SLC18B1: variants seen among roughly 807,000 people sequenced by gnomAD.
SLC18B1 encodes MFS-type transporter SLC18B1.
SLC18B1 carries 62 observed loss-of-function variants against 53.9 expected under a neutral mutation model. That is an observed-to-expected ratio of 1.15 (90% CI 0.94 to 1.42). The LOEUF (loss-of-function observed/expected upper bound fraction) is 1.42, where lower values mean the gene tolerates loss of function less well. SLC18B1 is among the 40% of genes most tolerant of loss of function. The pLI is 0.00. For missense variants in SLC18B1, 598 were observed against 547.3 expected (o/e 1.09, Z -0.93); for synonymous variants, 217 against 200.9 (o/e 1.08, Z -0.68).
chr6:132,789,112 T>G (rs930912481), intron 4 of SLC18B1, among the ~76,000 whole-genome samples: 4 of 152,172 alleles, frequency 2.6e-5, no homozygotes, highest in African/African-American at 9.7e-5. Context: ...CTTTCACATC[T>G]GTTTTGCCTC....
chr6:132,778,475 T>A (rs1322024411), intron 7 of SLC18B1, among the ~76,000 whole-genome samples: 1 of 152,248 alleles, frequency 6.6e-6, no homozygotes, highest in Non-Finnish European at 1.5e-5. Flanking sequence ...ATAATTTTAA[T>A]CTTTACATTC....
Position 132,770,203 on chromosome 6 carries a change from C to T in SLC18B1, c.*67G>A. On this transcript the variant is annotated 3_prime_UTR_variant, in exon 14 of 14. Transcript: ENST00000275227. ...TGCGCGTAAAATTTTAAAAACCCTT[C>T]CTACGGTGATGTTTAAGGCCAGGAG... 2.2e-6 allele frequency: 3 copies of T among 1,364,142 alleles called. No homozygotes were observed. Among genetic ancestry groups the T allele is most frequent in the Non-Finnish European group, 3.1e-6 (3 of 962,626 alleles). 84.5% of individuals were successfully genotyped at this position (1,364,142 alleles called of 1,614,324 possible).
chr6:132,774,145 AC>A, intron 9 of SLC18B1, 76 bp downstream of exon 9: 1 of 921,276 alleles, frequency 1.1e-6, no homozygotes, highest in Admixed American at 2.2e-5. Context: ...ACTAAACTAT[AC>A]CAATGTTAAA....
chr6:132,796,976 T>C lies in SLC18B1; in HGVS notation c.183+6A>G, dbSNP rs754155902. ...CAGAGGTCCTAAGGATTTAAAAATG[T>C]CTTACCTCTTTGGGGAAAAACGGTC... On this transcript the variant is annotated splice_donor_region_variant and intron_variant, in intron 2 of 13. Coordinates refer to ENST00000275227, the MANE Select transcript of SLC18B1 (RefSeq NM_052831.3). 4.3e-6 allele frequency: 7 copies of C among 1,611,224 alleles called. No individual in the cohort carries two copies. The highest frequency in any genetic ancestry group is 4.5e-5 in the East Asian group (2 of 44,866).
At chr6:132,776,189 A>G in intron 8 of SLC18B1, 139 bp downstream of exon 8, 1 of 662,808 alleles carries the variant, frequency 1.5e-6, no homozygotes, top group Middle Eastern at 2.8e-4. Context: ...AGGGTGATAG[A>G]AAACACTGAA....
At position 132,770,211 on chromosome 6, in the gene SLC18B1, G is replaced by A; in HGVS notation, c.*59C>T. The A allele has an allele frequency of 1.4e-6, 2 of 1,408,184 alleles. No individual in the cohort carries two copies. The highest frequency in any genetic ancestry group is 2.0e-6 in the Non-Finnish European group (2 of 1,000,826). The allele number at this position is 1,408,184 out of a possible 1,614,324, so 87.2% of individuals were successfully genotyped here. Reference sequence around the variant, plus strand: ...AAATTTTAAAAACCCTTCCTACGGTGATGTTTAAGGCCAGGAGCATTCATT... The same window carrying A: ...AAATTTTAAAAACCCTTCCTACGGTAATGTTTAAGGCCAGGAGCATTCATT... On this transcript the variant is annotated 3_prime_UTR_variant, in exon 14 of 14. Transcript: ENST00000275227.
Position 132,797,100 on chromosome 6 carries a change from G to A in SLC18B1, c.65C>T (p.Ala22Val), listed in dbSNP as rs752174502. 29 of 1,613,688 alleles carry A rather than the reference G, an allele frequency of 1.8e-5. No homozygotes were observed. In the East Asian group the frequency reaches 4.0e-4, roughly 22 times the overall value. The change falls in exon 2 of 14, where the codon GCA becomes GTA. Residue 22 changes from alanine to valine, a missense_variant. Ala to Val is a moderately conservative substitution (Grantham distance 64). Coordinates refer to ENST00000275227, the MANE Select transcript of SLC18B1 (RefSeq NM_052831.3). ...CGAAAGCCACCCGGGGGTCTCTCCT[G>A]CACTTCCTGCAGGATCATCACCTTG... ...APGGDDPAGS[A>V]GETPGWLSRE...
intron 6 of SLC18B1, among the ~76,000 whole-genome samples, chr6:132,780,565 G>GTTTTTTT (rs10537572): frequency 6.6e-5 from 5 of 75,902 alleles, no homozygotes; most frequent in African/African-American, 1.2e-4. Context: ...CGTGGTGTTA[G>GTTTTTTT]TTTTTTTTTT....
intron 11 of SLC18B1, among the ~76,000 whole-genome samples, chr6:132,771,793 T>C (rs1002993196): frequency 1.3e-5 from 2 of 152,168 alleles, no homozygotes; most frequent in Admixed American, 6.5e-5. Flanking sequence ...CTTGCAAGTA[T>C]GAATGAAATT....
intron 4 of SLC18B1, among the ~76,000 whole-genome samples, chr6:132,788,328 A>C (rs1410892024): frequency 6.6e-6 from 1 of 152,028 alleles, no homozygotes; most frequent in African/African-American, 2.4e-5. Flanking sequence ...AAAGAATAGT[A>C]CCTCACCCAT....
intron 2 of SLC18B1, among the ~76,000 whole-genome samples, chr6:132,792,312 G>A (rs1185216437): frequency 0.013 from 816 of 64,984 alleles, 12 homozygotes; most frequent in African/African-American, 0.019. Flanking sequence ...AGGAAGGAAG[G>A]AAGGAAGGAA....
intron 7 of SLC18B1, 89 bp downstream of exon 7, chr6:132,779,179 C>T: frequency 6.7e-7 from 1 of 1,487,180 alleles, no homozygotes; most frequent in Non-Finnish European, 9.2e-7. Flanking sequence ...CCCAGCCACG[C>T]AAGGGTCTTT....
At chr6:132,798,195 A>G (rs565850938) in intron 1 of SLC18B1, among the ~76,000 whole-genome samples, 2 of 152,250 alleles carry the variant, frequency 1.3e-5, no homozygotes, top group Non-Finnish European at 2.9e-5. Context: ...GCAGAGGTAT[A>G]GGTTAGAAAG....
At chr6:132,770,863 G>A in intron 13 of SLC18B1, 27 bp downstream of exon 13, 2 of 1,588,394 alleles carry the variant, frequency 1.3e-6, no homozygotes, top group Non-Finnish European at 1.7e-6. Flanking sequence ...TTTAAAGAGA[G>A]AAAAAAAGCC....
intron 5 of SLC18B1, among the ~76,000 whole-genome samples, chr6:132,784,590 T>C (rs1231899679): frequency 6.6e-6 from 1 of 152,174 alleles, no homozygotes; most frequent in Non-Finnish European, 1.5e-5. Context: ...AACCACAAGA[T>C]ACCAATTTTC....
intron 7 of SLC18B1, 149 bp downstream of exon 7, chr6:132,779,119 T>C (rs1356423834): frequency 2.0e-5 from 15 of 767,048 alleles, no homozygotes; most frequent in African/African-American, 3.5e-5. Context: ...ACAGGGACGG[T>C]AGAGAGGGAC....
chr6:132,779,356 T>C lies in SLC18B1; in HGVS notation c.707A>G (p.Lys236Arg), dbSNP rs1781173013. Residue 236 changes from lysine (K) to arginine (R), a missense_variant, in exon 7 of 14, where the codon AAA (lysine) becomes AGA (arginine). Physicochemically the swap from Lys to Arg is conservative, Grantham distance 26. Coordinates refer to ENST00000275227, the MANE Select transcript of SLC18B1 (RefSeq NM_052831.3). ...HSFWKLIALPKVGLIAFVINS... is the reference protein window; with the variant it reads ...HSFWKLIALPRVGLIAFVINS... ...GATGACGAAGGCTATAAGGCCAACT[T>C]TGGGTAAAGCGATCAGTTTCCAGAA... is the stretch of plus-strand genomic sequence containing the variant. The C allele has an allele frequency of 6.2e-7, 1 of 1,613,798 alleles. No individual in the cohort carries two copies. Among genetic ancestry groups the C allele is most frequent in the Non-Finnish European group, 8.5e-7 (1 of 1,179,826 alleles).
intron 6 of SLC18B1, 95 bp from the exon 7 acceptor site, chr6:132,779,499 T>C (rs1781177531): frequency 7.4e-7 from 1 of 1,344,290 alleles, no homozygotes; most frequent in Non-Finnish European, 1.0e-6. Context: ...CATCTTTATC[T>C]GGTAATCAAA....
At chr6:132,797,491 G>C (rs762054562) in intron 1 of SLC18B1, among the ~76,000 whole-genome samples, 1 of 152,140 alleles carries the variant, frequency 6.6e-6, no homozygotes, top group Non-Finnish European at 1.5e-5. Flanking sequence ...CCAGCTACTC[G>C]GGAGGCTGAG....
Sources: gnomAD v4.1 joint callset for allele counts (sites outside exome capture counted in the v4.1 genomes callset) on GRCh38, gnomAD v4.1.1 for gene constraint, MANE v1.5 for transcripts, NCBI Gene and HGNC (gene_info 2026-07-23, HGNC 2026-07-21) for gene names.